Variants in MICU1 observed in about 807,000 individuals in gnomAD.
MICU1 encodes mitochondrial calcium uptake 1, also known as calcium uptake protein 1, mitochondrial.
In MICU1, 45 loss-of-function variants were observed where a neutral mutation model predicts 56.8. The ratio of observed to expected loss-of-function variants is 0.79; its 90% CI spans 0.62 to 1.02. MICU1 has a LOEUF of 1.02. Ranked by LOEUF, MICU1 falls within the 50% of genes least tolerant of loss-of-function variation. MICU1 has a pLI of 0.00. For missense variants in MICU1, 504 were observed against 587.1 expected (o/e 0.86, Z 1.46); for synonymous variants, 186 against 195.1 (o/e 0.95, Z 0.39).
intron 4 of MICU1, among the ~76,000 whole-genome samples, chr10:72,545,651 T>G (rs1358592889): frequency 6.6e-6 from 1 of 152,132 alleles, no homozygotes; most frequent in Non-Finnish European, 1.5e-5. Context: ...TGGCTGCCCT[T>G]AGGGACAAAA....
At chr10:72,439,555 A>G (rs1194273373) in intron 8 of MICU1, among the ~76,000 whole-genome samples, 1 of 152,032 alleles carries the variant, frequency 6.6e-6, no homozygotes, top group Non-Finnish European at 1.5e-5. Flanking sequence ...GGCCAGGGCA[A>G]TCAAGCAAGA....
chr10:72,479,317 T>C (rs1054974001), intron 6 of MICU1, among the ~76,000 whole-genome samples: 2 of 152,172 alleles, frequency 1.3e-5, no homozygotes, highest in Non-Finnish European at 2.9e-5. Flanking sequence ...ACACACACTC[T>C]TCATGCTGAC....
intron 8 of MICU1, among the ~76,000 whole-genome samples, chr10:72,436,765 T>A (rs973789757): frequency 6.6e-6 from 1 of 152,102 alleles, no homozygotes; most frequent in Admixed American, 6.6e-5. Flanking sequence ...TCGTGACGTA[T>A]GCACAAGCTT....
chr10:72,470,683 A>C (rs561582928), intron 8 of MICU1, among the ~76,000 whole-genome samples: 1 of 151,774 alleles, frequency 6.6e-6, no homozygotes, highest in South Asian at 2.1e-4. Flanking sequence ...AACAGCAATT[A>C]AATTTCCAAT....
chr10:72,611,935 C>T (rs142157323), intron 1 of MICU1, among the ~76,000 whole-genome samples: 38 of 146,514 alleles, frequency 2.6e-4, no homozygotes, highest in East Asian at 1.2e-3. Flanking sequence ...TACAGTGCTA[C>T]ACAGTGACTG....
intron 11 of MICU1, among the ~76,000 whole-genome samples, chr10:72,374,032 A>G (rs1862434356): frequency 6.6e-6 from 1 of 152,236 alleles, no homozygotes; most frequent in Non-Finnish European, 1.5e-5. Flanking sequence ...CCCCTACCTG[A>G]GAGTGAGGCC....
chr10:72,421,469 T>C (rs1864172910), intron 9 of MICU1, among the ~76,000 whole-genome samples: 1 of 152,162 alleles, frequency 6.6e-6, no homozygotes, highest in African/African-American at 2.4e-5. Context: ...GAGACAGGGT[T>C]TTGCCATGTT....
intron 1 of MICU1, among the ~76,000 whole-genome samples, chr10:72,591,822 A>G (rs1589372825): frequency 6.6e-6 from 1 of 151,964 alleles, no homozygotes; most frequent in East Asian, 2.0e-4. Context: ...CACCAGACCG[A>G]GCAACATGGC....
intron 5 of MICU1, among the ~76,000 whole-genome samples, chr10:72,523,386 G>A (rs992610259): frequency 1.3e-5 from 2 of 152,120 alleles, no homozygotes; most frequent in Non-Finnish European, 2.9e-5. Flanking sequence ...TCGTCTATAC[G>A]TTATTCTGAC....
chr10:72,427,733 AAT>A (rs58696519), intron 8 of MICU1, among the ~76,000 whole-genome samples: 17,309 of 133,798 alleles, frequency 0.13, 1,211 homozygotes, highest in East Asian at 0.44. Context: ...CCATCTCTAA[AAT>A]ATATATATAT....
At chr10:72,487,845 CTT>C (rs1189795120) in intron 6 of MICU1, among the ~76,000 whole-genome samples, 1 of 152,138 alleles carries the variant, frequency 6.6e-6, no homozygotes, top group East Asian at 1.9e-4. Flanking sequence ...CTTCTGACTT[CTT>C]TTTGTTTCTT....
At chr10:72,524,683 T>C in intron 5 of MICU1, 1 of 1,210,202 alleles carries the variant, frequency 8.3e-7, no homozygotes, top group Non-Finnish European at 1.0e-6. Flanking sequence ...GAAGCATTAC[T>C]ATGGATTTTG....
intron 8 of MICU1, among the ~76,000 whole-genome samples, chr10:72,431,144 T>TATCTATC (rs1399351850): frequency 1.4e-5 from 1 of 71,816 alleles, no homozygotes; most frequent in Non-Finnish European, 3.5e-5. Flanking sequence ...ATCTATCTAT[T>TATCTATC]TTCTGAGATA....
chr10:72,526,281 C>A (rs1867959322), intron 5 of MICU1, among the ~76,000 whole-genome samples: 1 of 152,106 alleles, frequency 6.6e-6, no homozygotes, highest in African/African-American at 2.4e-5. Flanking sequence ...TTCCTCAATT[C>A]ACTTTTGCAA....
At chr10:72,422,261 A>G (rs1415585724) in intron 9 of MICU1, among the ~76,000 whole-genome samples, 2 of 152,208 alleles carry the variant, frequency 1.3e-5, no homozygotes, top group Non-Finnish European at 2.9e-5. Context: ...GACACATTGA[A>G]AAGGCAGCTA....
intron 10 of MICU1, among the ~76,000 whole-genome samples, chr10:72,397,510 G>A (rs1266733024): frequency 6.6e-6 from 1 of 152,152 alleles, no homozygotes; most frequent in Non-Finnish European, 1.5e-5. Flanking sequence ...GAATCAAGAT[G>A]CATCAGTGTG....
At chr10:72,556,213 A>G (rs1380930980) in intron 3 of MICU1, among the ~76,000 whole-genome samples, 1 of 152,230 alleles carries the variant, frequency 6.6e-6, no homozygotes, top group East Asian at 1.9e-4. Context: ...CATCCATAAT[A>G]ATGAGCATCT....
chr10:72,468,267 C>T (rs1865853125), intron 8 of MICU1, among the ~76,000 whole-genome samples: 1 of 148,160 alleles, frequency 6.7e-6, no homozygotes. Flanking sequence ...GAGTTGGTTG[C>T]TTCTTTCTTC....
intron 5 of MICU1, among the ~76,000 whole-genome samples, chr10:72,518,670 A>G (rs1867727279): frequency 6.6e-6 from 1 of 152,116 alleles, no homozygotes; most frequent in Admixed American, 6.6e-5. Flanking sequence ...AAATTATTTA[A>G]ATAGAACTGG....
Sources: allele counts gnomAD v4.1 joint callset (sites outside exome capture counted in the v4.1 genomes callset), GRCh38; gene constraint gnomAD v4.1.1; transcripts MANE v1.5; gene names NCBI Gene and HGNC (gene_info 2026-07-23, HGNC 2026-07-21).